The following ZNF599 variants were observed in gnomAD, a reference collection of about 807,000 sequenced individuals.
ZNF599 encodes the protein zinc finger protein 599.
A neutral mutation model predicts 11.7 loss-of-function variants in ZNF599; 10 were observed. The ratio of observed to expected loss-of-function variants is 0.86; its 90% CI spans 0.53 to 1.45. ZNF599 has a LOEUF of 1.45. Ranked by LOEUF, ZNF599 falls within the 40% of genes most tolerant of loss-of-function variation. The probability of loss-of-function intolerance (pLI) is 0.00; values close to 1 mark genes in which losing one functional copy is unlikely to be tolerated. For synonymous variants in ZNF599, 232 were observed against 253.2 expected (o/e 0.92, Z 0.79); for missense variants, 688 against 713.6 (o/e 0.96, Z 0.41).
intron 3 of ZNF599, 181 bp downstream of exon 3, chr19:34,767,135 T>G (rs1174146713): frequency 5.3e-6 from 3 of 568,044 alleles, no homozygotes; most frequent in Non-Finnish European, 9.5e-6. Flanking sequence ...ACCTAACATA[T>G]TCCAACCTGA....
At chr19:34,792,591 C>T in the ZNF599 span, among the ~76,000 whole-genome samples, 7 of 152,238 alleles carry the variant, frequency 4.6e-5, no homozygotes, top group South Asian at 2.1e-4. Flanking sequence ...GGGCCAGGTG[C>T]GGTGGCTCAC....
At chr19:34,806,131 T>C in the ZNF599 span, among the ~76,000 whole-genome samples, 2 of 152,040 alleles carry the variant, frequency 1.3e-5, no homozygotes, top group Non-Finnish European at 2.9e-5. Context: ...ATAAGCACTT[T>C]TGTGGCCACA....
In ZNF599 at chr19:34,759,611, C is replaced by T. The variant is rs1326944074; in HGVS notation, c.1190G>A (p.Cys397Tyr). The T allele has an allele frequency of 6.2e-7, 1 of 1,614,064 alleles. No homozygotes were observed. Among genetic ancestry groups the T allele is most frequent in the Non-Finnish European group, 8.5e-7 (1 of 1,179,996 alleles). The change falls in exon 4 of 4, where the codon TGC becomes TAC. Residue 397 changes from cysteine to tyrosine, a missense_variant. Cys to Tyr is a radical substitution (Grantham distance 194). Coordinates refer to ENST00000329285, the MANE Select transcript of ZNF599 (RefSeq NM_001007248.3). ...AGTAAAGGCCTTTCCACATTCACCGCACTCATAGGGTTTCTCTCCAGTGTG... is the reference window on the plus strand; with the variant it reads ...AGTAAAGGCCTTTCCACATTCACCGTACTCATAGGGTTTCTCTCCAGTGTG... ...RIHTGEKPYE[C>Y]GECGKAFTHR...
chr19:34,769,465 C>T lies in ZNF599; in HGVS notation c.109G>A (p.Val37Met), dbSNP rs769592722. 67 of 1,614,082 alleles carry T rather than the reference C, an allele frequency of 4.2e-5. No homozygotes were observed. Among genetic ancestry groups the T allele is most frequent in the Non-Finnish European group, 5.0e-5 (59 of 1,180,042 alleles). ...DLAQRTLYQE[V>M]MLETCRLLVS... ...AGGAGCCTGCAGGTCTCCAGCATCA[C>T]CTCCTGGTACAGGGTCCTCTGGGCC... Residue 37 changes from valine to methionine, a missense_variant, in exon 2 of 4, where the codon GTG (valine) becomes ATG (methionine). By Grantham distance (21) the Val-to-Met change is conservative (BLOSUM62 1). Coordinates refer to ENST00000329285, the MANE Select transcript of ZNF599 (RefSeq NM_001007248.3).
At chr19:34,760,796 C>A (rs716040) in intron 3 of ZNF599, among the ~76,000 whole-genome samples, 169 of 151,986 alleles carry the variant, frequency 1.1e-3, no homozygotes, top group Non-Finnish European at 1.4e-3. Flanking sequence ...GAATGGAGAC[C>A]GCTCCTCACT....
At chr19:34,767,448 G>A (rs769386857) in intron 2 of ZNF599, 37 bp from the exon 3 acceptor site, 2 of 1,553,026 alleles carry the variant, frequency 1.3e-6, no homozygotes, top group South Asian at 2.2e-5. Flanking sequence ...TGGTGTACAG[G>A]GAAAGACAAA....
intron 3 of ZNF599, among the ~76,000 whole-genome samples, chr19:34,762,635 A>G (rs561361286): frequency 6.6e-6 from 1 of 152,166 alleles, no homozygotes; most frequent in Non-Finnish European, 1.5e-5. Context: ...TATTCATGCA[A>G]TTGACTCTAG....
rs150494734 is a variant in ZNF599, at chr19:34,759,231, G to A, written c.1570C>T (p.Arg524Trp). ...TCTCCAGTGTGGATCCTATTATGCCGAACAAAATTTGCAGGTTGGGTAAAA... is the reference window on the plus strand; with the variant it reads ...TCTCCAGTGTGGATCCTATTATGCCAAACAAAATTTGCAGGTTGGGTAAAA... The part of the protein sequence containing the change: ...KAFTQPANFV[R>W]HNRIHTGEKP... The change falls in exon 4 of 4, where the codon CGG becomes TGG. Residue 524 changes from arginine (R) to tryptophan (W), a missense_variant. Coordinates refer to ENST00000329285, the MANE Select transcript of ZNF599 (RefSeq NM_001007248.3). 1.1e-4 allele frequency: 173 copies of A among 1,614,034 alleles called. No homozygotes were observed. The South Asian group carries it at 1.4e-3, about 13-fold the overall frequency.
In ZNF599 at chr19:34,760,439, G is replaced by A. The variant is rs62623436; in HGVS notation, c.362C>T (p.Ala121Val). The change falls in exon 4 of 4, where the codon GCT (alanine) becomes GTT (valine). Residue 121 changes from alanine to valine, a missense_variant. By Grantham distance (64) the Ala-to-Val change is moderately conservative (BLOSUM62 0). Transcript: ENST00000329285. The stretch of plus-strand genomic sequence containing the variant: ...TTTTATTAGCTTTTCCTCATCTCTA[G>A]CTTGCCCCAACCTGGAATCTCTTGA... Reference protein sequence around the residue: ...RSSRDSRLGQARDEEKLIKIQ... With the variant: ...RSSRDSRLGQVRDEEKLIKIQ... 2.4e-3 allele frequency: 3,892 copies of A among 1,614,066 alleles called. 76 individuals carry two copies. The African/African-American group carries it at 0.047, about 19-fold the overall frequency.
chr19:34,778,072 C>G (rs1266281993), upstream of ZNF599, among the ~76,000 whole-genome samples: 1 of 152,018 alleles, frequency 6.6e-6, no homozygotes, highest in Non-Finnish European at 1.5e-5. Context: ...CACAGGTATA[C>G]ACATATGTTC....
chr19:34,796,044 C>T, the ZNF599 span, among the ~76,000 whole-genome samples: 1 of 152,052 alleles, frequency 6.6e-6, no homozygotes, highest in Non-Finnish European at 1.5e-5. Context: ...TGGTCTCGAA[C>T]TCCCGACCTC....
At chr19:34,801,844 C>T in the ZNF599 span, among the ~76,000 whole-genome samples, 1 of 152,252 alleles carries the variant, frequency 6.6e-6, no homozygotes, top group Non-Finnish European at 1.5e-5. Flanking sequence ...CTCCTATCTA[C>T]ATCCCTTCTG....
chr19:34,787,236 TCATC>T, the ZNF599 span, among the ~76,000 whole-genome samples: 1 of 151,642 alleles, frequency 6.6e-6, no homozygotes, highest in Non-Finnish European at 1.5e-5. Context: ...ATCATCATCA[TCATC>T]ATCATCATCA....
At chr19:34,798,492 T>C in the ZNF599 span, among the ~76,000 whole-genome samples, 1 of 152,220 alleles carries the variant, frequency 6.6e-6, no homozygotes, top group Non-Finnish European at 1.5e-5. Flanking sequence ...AGTGAAAACC[T>C]GGCTCCCACT....
upstream of ZNF599, among the ~76,000 whole-genome samples, chr19:34,777,403 TATATATAATATATATTAATTAATATATA>T (rs1568497016): frequency 9.0e-5 from 8 of 88,504 alleles, no homozygotes; most frequent in Non-Finnish European, 1.4e-4. Context: ...TAATATATAT[TATATATAATATATATTAATTAATATATA>T]ATATATGATA....
At chr19:34,794,340 C>T in the ZNF599 span, among the ~76,000 whole-genome samples, 1 of 152,062 alleles carries the variant, frequency 6.6e-6, no homozygotes, top group Non-Finnish European at 1.5e-5. Context: ...ACTGTCACGG[C>T]ACTGGTGGGA....
chr19:34,795,349 AC>A, the ZNF599 span, among the ~76,000 whole-genome samples: 1 of 152,180 alleles, frequency 6.6e-6, no homozygotes, highest in African/African-American at 2.4e-5. Context: ...GATCATGCTC[AC>A]TGCTGCCTCG....
At chr19:34,775,882 A>C (rs1391896386), upstream of ZNF599, among the ~76,000 whole-genome samples, 1 of 152,242 alleles carries the variant, frequency 6.6e-6, no homozygotes, top group African/African-American at 2.4e-5. Context: ...CAAAACTTGG[A>C]AATAGGAAAA....
At chr19:34,763,470 G>T (rs1055236531) in intron 3 of ZNF599, 1 of 151,978 alleles carries the variant, frequency 6.6e-6, no homozygotes, top group Non-Finnish European at 1.5e-5. Flanking sequence ...AGACCAGCCT[G>T]GCCAACATGG....
Sources: allele counts gnomAD v4.1 joint callset (sites outside exome capture counted in the v4.1 genomes callset), GRCh38; gene constraint gnomAD v4.1.1; transcripts MANE v1.5; gene names NCBI Gene and HGNC (gene_info 2026-07-23, HGNC 2026-07-21).